PLRG1: variants seen among roughly 807,000 people sequenced by gnomAD.
PLRG1 encodes the protein pleiotropic regulator 1, also known as pleiotropic regulator 1 (PRL1 homolog, Arabidopsis).
A neutral mutation model predicts 74.9 loss-of-function variants in PLRG1; 28 were observed. The ratio of observed to expected loss-of-function variants is 0.37; its 90% confidence interval spans 0.28 to 0.51. PLRG1 has a LOEUF of 0.51. PLRG1 is among the 20% of genes least tolerant of loss of function. The pLI, the probability that PLRG1 is intolerant of heterozygous loss-of-function variation, is 0.91. For missense variants in PLRG1, 445 were observed against 631.9 expected, an observed-to-expected ratio of 0.70 and a Z score of 3.17; for synonymous variants, 197 against 212.4, an observed-to-expected ratio of 0.93 and a Z score of 0.63.
intron 1 of PLRG1, chr4:154,549,229 A>G (rs1282693133): frequency 7.6e-6 from 3 of 394,030 alleles, no homozygotes; most frequent in African/African-American, 6.3e-5. Flanking sequence ...TCACAATAGA[A>G]TGATAAAAAG....
chr4:154,542,822 G>C (rs191756709), intron 7 of PLRG1, among the ~76,000 whole-genome samples: 2 of 152,278 alleles, frequency 1.3e-5, no homozygotes, highest in East Asian at 1.9e-4. Context: ...ATATACGGGA[G>C]CTAAAAAATA....
In PLRG1 at chr4:154,548,701, A is replaced by G; in HGVS notation, c.116+128T>C. 8.4e-6 allele frequency: 5 copies of G among 598,094 alleles called. No homozygotes were observed. In the Admixed American group the frequency reaches 1.5e-4, roughly 18 times the overall value. The allele number at this position is 598,094 out of a possible 1,614,324, so 37.0% of individuals were successfully genotyped here. On this transcript the variant is annotated intron_variant, in intron 2 of 14. Coordinates refer to ENST00000499023, the MANE Select transcript of PLRG1 (RefSeq NM_002669.4). Reference sequence around the variant, plus strand: ...TTAAATCAGCTTAAATTATGCCAAAACACCACTCATTATTGAATAATTAGC... The same window carrying G: ...TTAAATCAGCTTAAATTATGCCAAAGCACCACTCATTATTGAATAATTAGC...
rs1560810689 is a variant in PLRG1 at position 154,550,315 on chromosome 4, A to G, written c.-7T>C. On this transcript the variant is annotated 5_prime_UTR_variant, in exon 1 of 15. Transcript: ENST00000499023. ...GTCACTTTACCTCGACCATGATGCT[A>G]CCGTGTATCCCACCTCCGGCAGGGA... 6.2e-7 allele frequency: 1 copy of G among 1,613,158 alleles called. No homozygotes were observed. The highest frequency in any genetic ancestry group is 8.5e-7 in the Non-Finnish European group (1 of 1,179,074).
Position 154,544,529 on chromosome 4 carries a change from G to A in PLRG1, c.510C>T (p.Gly170=). Residue 170 remains glycine (G), a synonymous_variant, in exon 7 of 15, where the codon GGC becomes GGT. Transcript: ENST00000499023. ...CCATCAGTGCAGAGTTCTTGGTATT[G>A]CCAGTCTCCATGACAATCTAGACAT... ...TAMNSIVMET[G]NTKNSALMAK... 1 of 1,604,814 alleles carries A rather than the reference G, an allele frequency of 6.2e-7. No homozygotes were observed. The highest frequency in any genetic ancestry group is 8.5e-7 in the Non-Finnish European group (1 of 1,171,770).
chr4:154,542,190 T>C lies in PLRG1; in HGVS notation c.684A>G (p.Ile228Met), dbSNP rs768933092. 6.4e-7 allele frequency: 1 copy of C among 1,562,904 alleles called. No homozygotes were observed. Among genetic ancestry groups the C allele is most frequent in the Admixed American group, 1.7e-5 (1 of 59,950 alleles). ...TTTTTTCTTCCTTCATTATTACCTT[T>C]ATAGTTCTGTCAGCAGATCCAGTAA... ...WFVTGSADRT[I>M]KIWDLASGKL... is the part of the protein sequence containing the mutation. Residue 228 changes from isoleucine to methionine, a missense_variant, in exon 8 of 15, where the codon ATA (isoleucine) becomes ATG (methionine). Around this residue, in one of 3 missense-constraint regions of PLRG1, gnomAD observed 221 missense variants for 377.7 expected, o/e 0.59. Transcript: ENST00000499023.
chr4:154,546,754 A>C (rs1729662838), intron 4 of PLRG1: 1 of 508,666 alleles, frequency 2.0e-6, no homozygotes, highest in Non-Finnish European at 3.5e-6. Context: ...AAACCACCAG[A>C]TAATAAATAA....
intron 7 of PLRG1, among the ~76,000 whole-genome samples, chr4:154,543,259 C>T (rs1385977865): frequency 6.6e-6 from 1 of 152,062 alleles, no homozygotes; most frequent in Non-Finnish European, 1.5e-5. Flanking sequence ...GTGATCCTCC[C>T]ACTTCAGCCT....
chr4:154,542,349 CGA>C (rs1729569587), intron 7 of PLRG1, 70 bp from the exon 8 acceptor site: 2 of 904,586 alleles, frequency 2.2e-6, no homozygotes, highest in East Asian at 5.0e-5. Flanking sequence ...AACTGCAGCC[CGA>C]GTTTGAATTG....
intron 6 of PLRG1, among the ~76,000 whole-genome samples, chr4:154,545,384 C>T (rs1729632635): frequency 6.6e-6 from 1 of 152,098 alleles, no homozygotes; most frequent in African/African-American, 2.4e-5. Context: ...CATACTAATA[C>T]CAGTTGCCAT....
intron 9 of PLRG1, 31 bp downstream of exon 9, chr4:154,540,754 C>T (rs1729542441): frequency 8.7e-6 from 14 of 1,610,384 alleles, no homozygotes; most frequent in Non-Finnish European, 1.2e-5. Flanking sequence ...TAGTAGTTCA[C>T]AATGTTTTAA....
intron 1 of PLRG1, chr4:154,549,618 T>A: frequency 2.2e-6 from 1 of 453,806 alleles, no homozygotes; most frequent in Non-Finnish European, 4.4e-6. Flanking sequence ...TCTAGCAACA[T>A]AGGGTCAGTA....
At chr4:154,541,331 T>C (rs868230412) in intron 8 of PLRG1, among the ~76,000 whole-genome samples, 62 of 152,294 alleles carry the variant, frequency 4.1e-4, no homozygotes, top group African/African-American at 1.4e-3. Flanking sequence ...TAAGTATCCA[T>C]TTTTGCTTAC....
At chr4:154,550,152 G>A (rs537693692) in intron 1 of PLRG1, 148 bp downstream of exon 1, 14 of 765,288 alleles carry the variant, frequency 1.8e-5, no homozygotes, top group South Asian at 4.6e-5. Flanking sequence ...CCGAAAACCC[G>A]AAGAAGAGAC....
chr4:154,536,977 T>C (rs550851444), intron 14 of PLRG1, among the ~76,000 whole-genome samples: 8 of 152,122 alleles, frequency 5.3e-5, no homozygotes, highest in African/African-American at 1.7e-4. Context: ...ACATTTCTAC[T>C]TGGATATTCT....
At position 154,550,337 on chromosome 4, in the gene PLRG1, G is replaced by A; in HGVS notation, c.-29C>T. 1 of 1,610,420 alleles carries A rather than the reference G, an allele frequency of 6.2e-7. No homozygotes were observed. Among genetic ancestry groups the A allele is most frequent in the Non-Finnish European group, 8.5e-7 (1 of 1,176,630 alleles). On this transcript the variant is annotated 5_prime_UTR_variant, in exon 1 of 15. Coordinates refer to ENST00000499023, the MANE Select transcript of PLRG1 (RefSeq NM_002669.4). ...GCTACCGTGTATCCCACCTCCGGCA[G>A]GGAAGAAACTCTAATCACTAACGCA... is the stretch of plus-strand genomic sequence containing the variant.
At chr4:154,545,754 T>G in intron 6 of PLRG1, 82 bp downstream of exon 6, 1 of 773,378 alleles carries the variant, frequency 1.3e-6, no homozygotes, top group South Asian at 1.7e-5. Context: ...CTGCTATTTA[T>G]CTTAATAATT....
intron 12 of PLRG1, among the ~76,000 whole-genome samples, chr4:154,538,560 GA>G (rs1278622391): frequency 2.0e-5 from 3 of 151,768 alleles, no homozygotes; most frequent in African/African-American, 4.8e-5. Flanking sequence ...AGGAAGAAGA[GA>G]GGGGGAAAAG....
chr4:154,547,318 C>T (rs185774996), intron 3 of PLRG1, among the ~76,000 whole-genome samples: 47 of 152,288 alleles, frequency 3.1e-4, no homozygotes, highest in Non-Finnish European at 5.0e-4. Context: ...TCTGGTATTT[C>T]TTCCAAGCAA....
chr4:154,537,791 ATAC>A (rs1729478171), intron 13 of PLRG1, among the ~76,000 whole-genome samples, 175 bp downstream of exon 13: 1 of 152,144 alleles, frequency 6.6e-6, no homozygotes, highest in African/African-American at 2.4e-5. Context: ...GCTATGAAAT[ATAC>A]TACATGTAAT....
Sources: gnomAD v4.1 joint callset for allele counts (sites outside exome capture counted in the v4.1 genomes callset) on GRCh38, gnomAD v4.1.1 for gene constraint, gnomAD v4.1.1 regional missense constraint, MANE v1.5 for transcripts, NCBI Gene and HGNC (gene_info 2026-07-23, HGNC 2026-07-21) for gene names.